The following TNFRSF18 variants were observed in gnomAD, a reference collection of about 807,000 sequenced individuals.
TNFRSF18 encodes tumor necrosis factor receptor superfamily member 18.
In TNFRSF18, 36 loss-of-function variants were observed where a neutral mutation model predicts 30.2. The observed-to-expected ratio is 1.19, with a 90% confidence interval of 0.91 to 1.58. TNFRSF18 has a LOEUF of 1.58. TNFRSF18 is among the 40% of genes most tolerant of loss of function. The pLI, the probability that TNFRSF18 is intolerant of heterozygous loss-of-function variation, is 0.00. For synonymous variants in TNFRSF18, 173 were observed against 158.3 expected (o/e 1.09, Z -0.70); for missense variants, 369 against 345.4 (o/e 1.07, Z -0.54).
At chr1:1,205,617 G>T in intron 1 of TNFRSF18, 125 bp from the exon 2 acceptor site, 2 of 1,030,822 alleles carry the variant, frequency 1.9e-6, no homozygotes, top group Non-Finnish European at 2.8e-6. Flanking sequence ...CCAGGGAGCA[G>T]AGGGCTCCTG....
intron 2 of TNFRSF18, 73 bp from the exon 3 acceptor site, chr1:1,204,559 G>T: frequency 8.4e-7 from 1 of 1,196,888 alleles, no homozygotes; most frequent in Non-Finnish European, 1.2e-6. Context: ...AGGGCGTCAG[G>T]CCAGTGCAGG....
rs368735359 is a variant in TNFRSF18 at position 1,204,388 on chromosome 1, C to T, written c.398+11G>A. ...CCACCCGGCCACCGGCAGGGCCCACCCAGGACTCACTCTGTCCAAGGTTTG... is the reference window on the plus strand; with the variant it reads ...CCACCCGGCCACCGGCAGGGCCCACTCAGGACTCACTCTGTCCAAGGTTTG... On this transcript the variant is annotated intron_variant, in intron 3 of 4. Transcript: ENST00000379268. The T allele has an allele frequency of 5.6e-6, 9 of 1,612,132 alleles. No homozygotes were observed. The African/African-American group carries it at 1.2e-4, about 22-fold the overall frequency.
chr1:1,206,430 G>A lies in TNFRSF18; in HGVS notation c.142C>T (p.Arg48Cys), dbSNP rs368423092. ...CGCGTCGTGTGAACCCGGCAGCAGC[G>A]CGCGTCCGTTCCCGTCCCAAGCAGG... ...RLLLGTGTDA[R>C]CCRVHTTRCC... is the part of the protein sequence containing the mutation. The change falls in exon 1 of 5, where the codon CGC (arginine) becomes TGC (cysteine). Residue 48 changes from arginine (R) to cysteine (C), a missense_variant. Physicochemically the swap from Arg to Cys is radical, Grantham distance 180. Transcript: ENST00000379268. 136 of 1,547,242 alleles carry A rather than the reference G, an allele frequency of 8.8e-5. No homozygotes were observed. Among genetic ancestry groups the A allele is most frequent in the Non-Finnish European group, 1.1e-4 (127 of 1,146,234 alleles).
At position 1,203,801 on chromosome 1, in the gene TNFRSF18, G is replaced by A; in HGVS notation, c.*43C>T. ...CCCCTGCGGCCTGGGGAGCTCCTGG[G>A]GAGGGGCTGGCTGCGGTCGGTGGCC... On this transcript the variant is annotated 3_prime_UTR_variant, in exon 5 of 5. Transcript: ENST00000379268. The A allele has an allele frequency of 8.3e-6, 13 of 1,574,502 alleles. No individual in the cohort carries two copies. Among genetic ancestry groups the A allele is most frequent in the Non-Finnish European group, 1.1e-5 (13 of 1,166,466 alleles).
Position 1,204,185 on chromosome 1 carries a change from G to C in TNFRSF18, c.450C>G (p.Asn150Lys), listed in dbSNP as rs61761323. The change falls in exon 4 of 5, where the codon AAC becomes AAG. Residue 150 changes from asparagine (N) to lysine (K), a missense_variant. Asn to Lys is a moderately conservative substitution (Grantham distance 94). Coordinates refer to ENST00000379268, the MANE Select transcript of TNFRSF18 (RefSeq NM_004195.3). ...GCGGGGACCCTGGGACGCACACAGC[G>C]TTGTGGGTCTTGTTCCCAGGGAACA... ...LTVFPGNKTH[N>K]AVCVPGSPPA... 27 of 1,612,128 alleles carry C rather than the reference G, an allele frequency of 1.7e-5. No individual in the cohort carries two copies. The highest frequency in any genetic ancestry group is 1.3e-5 in the Non-Finnish European group (15 of 1,179,702).
chr1:1,204,230 G>C lies in TNFRSF18; in HGVS notation c.405C>G (p.Thr135=), dbSNP rs1648694405. Residue 135 remains threonine (T), a synonymous_variant, in exon 4 of 5, where the codon ACC becomes ACG. Coordinates refer to ENST00000379268, the MANE Select transcript of TNFRSF18 (RefSeq NM_004195.3). The part of the protein sequence containing the change: ...EGHCKPWTDC[T]QFGFLTVFPG... ...GGAACACAGTGAGAAACCCGAACTGGGTGCAGCTGGAATACATGGACGCGG... is the reference window on the plus strand; with the variant it reads ...GGAACACAGTGAGAAACCCGAACTGCGTGCAGCTGGAATACATGGACGCGG... 1.2e-6 allele frequency: 2 copies of C among 1,610,352 alleles called. No homozygotes were observed. The highest frequency in any genetic ancestry group is 1.7e-5 in the Admixed American group (1 of 59,774).
chr1:1,204,504 GGGA>G lies in TNFRSF18; in HGVS notation c.311-21_311-19del. ...GAATTTCCCTGGTGTGGGGTGTGGG[GGGA>G]GGGAGGGAGGGAGGCTGGTGGAGTT... On this transcript the variant is annotated intron_variant, in intron 2 of 4. Coordinates refer to ENST00000379268, the MANE Select transcript of TNFRSF18 (RefSeq NM_004195.3). 4.8e-6 allele frequency: 7 copies of G among 1,450,102 alleles called. No individual in the cohort carries two copies. Among genetic ancestry groups the G allele is most frequent in the African/African-American group, 2.8e-5 (2 of 71,816 alleles). The allele number at this position is 1,450,102 out of a possible 1,614,324, so 89.8% of individuals were successfully genotyped here.
In TNFRSF18 at chr1:1,204,125, G is replaced by T; in HGVS notation, c.510C>A (p.Leu170=). 1 of 1,611,562 alleles carries T rather than the reference G, an allele frequency of 6.2e-7. No homozygotes were observed. Among genetic ancestry groups the T allele is most frequent in the Non-Finnish European group, 8.5e-7 (1 of 1,179,468 alleles). ...GGAGGACGCAGGCGGCCACGGCCAG[G>T]AGGACGACGGTCAGCCACCCAAGCG... The part of the protein sequence containing the change: ...AEPLGWLTVV[L]LAVAACVLLL... The change falls in exon 4 of 5, where the codon CTC becomes CTA. Residue 170 remains leucine (L), a synonymous_variant. Coordinates refer to ENST00000379268, the MANE Select transcript of TNFRSF18 (RefSeq NM_004195.3).
rs144800430 is a variant in TNFRSF18 at position 1,203,871 on chromosome 1, C to G, written c.699G>C (p.Lys233Asn). ...EERGERSAEEKGRLGDLWV is the reference protein window; with the variant it reads ...EERGERSAEENGRLGDLWV ...ACACCCACAGGTCTCCCAGCCGCCC[C>G]TTCTCCTCTGCCGATCGCTCGCCCC... The change falls in exon 5 of 5, where the codon AAG becomes AAC. Residue 233 changes from lysine to asparagine, a missense_variant. Physicochemically the swap from Lys to Asn is moderately conservative, Grantham distance 94. Transcript: ENST00000379268. 2.1e-4 allele frequency: 340 copies of G among 1,601,286 alleles called. 4 individuals are homozygous for G. The African/African-American group carries it at 4.1e-3, about 19-fold the overall frequency.
intron 1 of TNFRSF18, among the ~76,000 whole-genome samples, chr1:1,206,005 G>A (rs1443688652): frequency 6.6e-6 from 1 of 152,238 alleles, no homozygotes; most frequent in Non-Finnish European, 1.5e-5. Flanking sequence ...GCAGGTCAGA[G>A]GCAGGCAGCA....
At chr1:1,204,261 T>TATCAGCCCCCGGACACGGCCTCCG (rs769000967) in intron 3 of TNFRSF18, 25 bp from the exon 4 acceptor site, 2 of 1,602,156 alleles carry the variant, frequency 1.2e-6, no homozygotes, top group Non-Finnish European at 1.7e-6. Flanking sequence ...CGCGGCCTCC[T>TATCAGCCCCCGGACACGGCCTCCG]ATCAGCCCCC....
chr1:1,204,147 A>G lies in TNFRSF18; in HGVS notation c.488T>C (p.Leu163Pro), dbSNP rs367815645. 6.2e-6 allele frequency: 10 copies of G among 1,612,144 alleles called. 1 individual carries two copies. In the East Asian group the frequency reaches 6.7e-5, roughly 11 times the overall value. The change falls in exon 4 of 5, where the codon CTT becomes CCT. Residue 163 changes from leucine to proline, a missense_variant. Leu to Pro is a moderately conservative substitution (Grantham distance 98). Coordinates refer to ENST00000379268, the MANE Select transcript of TNFRSF18 (RefSeq NM_004195.3). ...CVPGSPPAEP[L>P]GWLTVVLLAV... ...CAGGAGGACGACGGTCAGCCACCCAAGCGGCTCTGCCGGCGGGGACCCTGG... is the reference window on the plus strand; with the variant it reads ...CAGGAGGACGACGGTCAGCCACCCAGGCGGCTCTGCCGGCGGGGACCCTGG...
In TNFRSF18 at chr1:1,203,877, C is replaced by T. The variant is rs1456099785; in HGVS notation, c.693G>A (p.Glu231=). The change falls in exon 5 of 5, where the codon GAG becomes GAA. Residue 231 remains glutamate (E), a synonymous_variant. Coordinates refer to ENST00000379268, the MANE Select transcript of TNFRSF18 (RefSeq NM_004195.3). The stretch of plus-strand genomic sequence containing the variant: ...ACAGGTCTCCCAGCCGCCCCTTCTC[C>T]TCTGCCGATCGCTCGCCCCGCTCTT... ...PEEERGERSA[E]EKGRLGDLWV is the part of the protein sequence containing the mutation. The T allele has an allele frequency of 6.2e-7, 1 of 1,602,870 alleles. No individual in the cohort carries two copies.
intron 1 of TNFRSF18, chr1:1,205,809 C>T (rs1408764957): frequency 1.4e-5 from 5 of 348,798 alleles, no homozygotes; most frequent in South Asian, 7.1e-5. Context: ...CCTGGAGGCC[C>T]GTCGACACCT....
intron 1 of TNFRSF18, 118 bp downstream of exon 1, chr1:1,206,267 C>T: frequency 1.6e-6 from 2 of 1,213,366 alleles, no homozygotes; most frequent in Non-Finnish European, 2.3e-6. Context: ...CGGCTCTGTG[C>T]CCACCCTCCT....
rs777488355 is a variant in TNFRSF18 at position 1,204,155 on chromosome 1, T to C, written c.480A>G (p.Ala160=). ...NAVCVPGSPP[A]EPLGWLTVVL... is the part of the protein sequence containing the mutation. ...CGACGGTCAGCCACCCAAGCGGCTCTGCCGGCGGGGACCCTGGGACGCACA... is the reference window on the plus strand; with the variant it reads ...CGACGGTCAGCCACCCAAGCGGCTCCGCCGGCGGGGACCCTGGGACGCACA... The change falls in exon 4 of 5, where the codon GCA becomes GCG. Residue 160 remains alanine (A), a synonymous_variant. Transcript: ENST00000379268. 19 of 1,612,214 alleles carry C rather than the reference T, an allele frequency of 1.2e-5. No individual in the cohort carries two copies. Among genetic ancestry groups the C allele is most frequent in the Non-Finnish European group, 1.6e-5 (19 of 1,179,724 alleles).
chr1:1,205,600 GT>G, intron 1 of TNFRSF18, 108 bp from the exon 2 acceptor site: 1 of 1,270,908 alleles, frequency 7.9e-7, no homozygotes. Flanking sequence ...TCCACCCACA[GT>G]TGGCTCCAGG....
In TNFRSF18 at chr1:1,203,941, G is replaced by A. The variant is rs750100037; in HGVS notation, c.629C>T (p.Pro210Leu). The stretch of plus-strand genomic sequence containing the variant: ...GCAGCTTCTGGCGTCTTCGGTCGAC[G>A]GCGGCACCTCCAGCAGCAGCTGGGT... ...RETQLLLEVP[P>L]STEDARSCQF... is the part of the protein sequence containing the mutation. Residue 210 changes from proline (P) to leucine (L), a missense_variant, in exon 5 of 5, where the codon CCG becomes CTG. Coordinates refer to ENST00000379268, the MANE Select transcript of TNFRSF18 (RefSeq NM_004195.3). 9.3e-6 allele frequency: 15 copies of A among 1,607,174 alleles called. No individual in the cohort carries two copies. Among genetic ancestry groups the A allele is most frequent in the South Asian group, 7.7e-5 (7 of 90,928 alleles).
At chr1:1,204,872 G>T (rs967933189) in intron 2 of TNFRSF18, among the ~76,000 whole-genome samples, 2 of 152,126 alleles carry the variant, frequency 1.3e-5, no homozygotes, top group African/African-American at 4.8e-5. Flanking sequence ...CCCAGACCCT[G>T]CCCCGTCCAA....
Sources: gnomAD v4.1 joint callset for allele counts (sites outside exome capture counted in the v4.1 genomes callset) on GRCh38, gnomAD v4.1.1 for gene constraint, MANE v1.5 for transcripts, NCBI Gene and HGNC (gene_info 2026-07-23, HGNC 2026-07-21) for gene names.